BRCC3: variants seen among roughly 807,000 people sequenced by gnomAD.
The protein encoded by BRCC3 is lys-63-specific deubiquitinase BRCC36.
BRCC3 carries 15 observed loss-of-function variants against 28.0 expected under a neutral mutation model. The observed-to-expected ratio is 0.54, with a 90% CI of 0.36 to 0.82. BRCC3 has a LOEUF of 0.82. Ranked by LOEUF, BRCC3 falls within the 40% of genes least tolerant of loss-of-function variation. The pLI is 0.01. For missense variants in BRCC3, 109 were observed against 225.9 expected, an observed-to-expected ratio of 0.48 and a Z score of 3.32; for synonymous variants, 66 against 80.3, an observed-to-expected ratio of 0.82 and a Z score of 0.95.
chrX:155,077,307 T>C lies in BRCC3; in HGVS notation c.315+18T>C, dbSNP rs1285993907. ...AGGCAGAGATATCCTTACTGGTCAA[T>C]AGAAGCTTTTATGTGCTCTGGGGTT... On this transcript the variant is annotated intron_variant, in intron 4 of 10. Transcript: ENST00000330045. 6 of 1,161,606 alleles carry C rather than the reference T, an allele frequency of 5.2e-6. No homozygotes were observed. Among genetic ancestry groups the C allele is most frequent in the Non-Finnish European group, 6.9e-6 (6 of 864,515 alleles).
At chrX:155,117,938 T>C (rs2074366989) in intron 9 of BRCC3, among the ~76,000 whole-genome samples, 1 of 111,501 alleles carries the variant, frequency 9.0e-6, no homozygotes, top group South Asian at 3.7e-4. Context: ...TGGGGGAAAA[T>C]AGATTCCTAC....
intron 5 of BRCC3, among the ~76,000 whole-genome samples, chrX:155,082,742 C>A (rs1420477321): frequency 1.8e-5 from 2 of 112,301 alleles, no homozygotes; most frequent in Admixed American, 1.9e-4. Context: ...TAAATACGAT[C>A]ATATTGTGCA....
chrX:155,076,160 C>T (rs980722844), intron 3 of BRCC3, among the ~76,000 whole-genome samples: 3 of 111,723 alleles, frequency 2.7e-5, no homozygotes, highest in African/African-American at 9.8e-5. Context: ...CCTGTAATCC[C>T]AGCACTTCGA....
rs1557298720 is a variant in BRCC3 at position 155,116,194 on chromosome X, GACCCTCTTC to G, written c.680+9_680+17del. ...GCGTATAGGAGGATCCACAGGTAGA[GACCCTCTTC>G]ACTCCTCTTCTCTACTTCTCAGGAC... On this transcript the variant is annotated splice_region_variant and intron_variant, in intron 8 of 10. Transcript: ENST00000330045. 1 of 1,176,598 alleles carries G rather than the reference GACCCTCTTC, an allele frequency of 8.5e-7. No homozygotes were observed. Among genetic ancestry groups the G allele is most frequent in the Admixed American group, 2.5e-5 (1 of 40,388 alleles).
At chrX:155,091,556 G>A (rs781824158) in intron 7 of BRCC3, among the ~76,000 whole-genome samples, 1 of 111,792 alleles carries the variant, frequency 8.9e-6, no homozygotes, top group African/African-American at 3.3e-5. Flanking sequence ...ACAGGTGTCA[G>A]CCACTGCACC....
intron 3 of BRCC3, among the ~76,000 whole-genome samples, chrX:155,075,197 G>A (rs1479867646): frequency 1.3e-5 from 1 of 75,362 alleles, no homozygotes; most frequent in African/African-American, 9.6e-5. Flanking sequence ...AATCAGACCT[G>A]TTGCACAGTG....
chrX:155,116,838 G>C lies in BRCC3; in HGVS notation c.724+84G>C, dbSNP rs2074359806. 4 of 680,784 alleles carry C rather than the reference G, an allele frequency of 5.9e-6. No individual in the cohort carries two copies. In the Admixed American group the frequency reaches 8.2e-5, roughly 14 times the overall value. 56.1% of individuals were successfully genotyped at this position (680,784 alleles called of 1,213,427 possible). A position where few individuals can be genotyped will look rare whatever the true frequency, so the allele number is the denominator to read the frequency against. On this transcript the variant is annotated intron_variant, in intron 9 of 10. Coordinates refer to ENST00000330045, the MANE Select transcript of BRCC3 (RefSeq NM_001018055.3). ...GCTGACAGATGCAAATTTAGTTTAA[G>C]TGAGTGAAGTGATGGGTACAAGTTG...
At chrX:155,087,104 G>A (rs2074136717) in intron 5 of BRCC3, among the ~76,000 whole-genome samples, 1 of 112,056 alleles carries the variant, frequency 8.9e-6, no homozygotes, top group East Asian at 2.8e-4. Context: ...GAGAATAAGT[G>A]TCCATAGGAT....
Position 155,122,542 on chromosome X carries a change from C to T in BRCC3, c.*1338C>T, listed in dbSNP as rs2074394033. ...CAGAGAAATGAAAACCTATATTGTA[C>T]TTGTACTCAAATATTCATAGGAGCT... On this transcript the variant is annotated 3_prime_UTR_variant, in exon 11 of 11. Transcript: ENST00000330045. 8.9e-6 allele frequency: 1 copy of T among 111,932 alleles called. No homozygotes were observed. Among genetic ancestry groups the T allele is most frequent in the Admixed American group, 9.4e-5 (1 of 10,644 alleles). 9.2% of individuals were successfully genotyped at this position (111,932 alleles called of 1,213,427 possible).
In BRCC3 at chrX:155,072,489, T is replaced by C; in HGVS notation, c.140+146T>C. The C allele has an allele frequency of 2.0e-5, 9 of 456,114 alleles. 1 individual carries two copies. The South Asian group carries it at 2.5e-4, about 12-fold the overall frequency. The allele number at this position is 456,114 out of a possible 1,213,427, so 37.6% of individuals were successfully genotyped here. A position where few individuals can be genotyped will look rare whatever the true frequency, so the allele number is the denominator to read the frequency against. On this transcript the variant is annotated intron_variant, in intron 2 of 10. Coordinates refer to ENST00000330045, the MANE Select transcript of BRCC3 (RefSeq NM_001018055.3). ...CGGGGCTCCCTTAATGATACAACCT[T>C]GAACTTTGGTTTCTGCCTTACCTCC...
At chrX:155,097,952 C>T (rs959575219) in intron 7 of BRCC3, among the ~76,000 whole-genome samples, 27 of 111,356 alleles carry the variant, frequency 2.4e-4, no homozygotes, top group Admixed American at 2.0e-3. Context: ...GCCGAGATGG[C>T]GCCAGAGTGA....
At chrX:155,109,289 ATTC>A (rs782125990) in intron 7 of BRCC3, among the ~76,000 whole-genome samples, 52 of 111,637 alleles carry the variant, frequency 4.7e-4, no homozygotes, top group Non-Finnish European at 9.1e-4. Flanking sequence ...TGTCTTGGCT[ATTC>A]TTCGCCCTTT....
At chrX:155,095,372 C>G (rs1382009737) in intron 7 of BRCC3, among the ~76,000 whole-genome samples, 9 of 111,356 alleles carry the variant, frequency 8.1e-5, no homozygotes, top group Non-Finnish European at 1.9e-5. Flanking sequence ...AGGATCTAGG[C>G]TCACTGCAAC....
intron 5 of BRCC3, among the ~76,000 whole-genome samples, chrX:155,083,293 G>A (rs5986906): frequency 0.01 from 1,138 of 112,176 alleles, 13 homozygotes; most frequent in African/African-American, 0.035. Flanking sequence ...TTTTTGCAAA[G>A]GCAAACCCTT....
At chrX:155,073,516 G>T in intron 3 of BRCC3, 85 bp downstream of exon 3, 2 of 998,430 alleles carry the variant, frequency 2.0e-6, no homozygotes, top group Non-Finnish European at 2.8e-6. Context: ...AGAGTATGCG[G>T]TTTCTGGCTG....
intron 7 of BRCC3, chrX:155,099,506 G>T: frequency 9.8e-7 from 1 of 1,019,499 alleles, no homozygotes; most frequent in Non-Finnish European, 1.3e-6. Context: ...CAGTCAAGTG[G>T]CCATACCTAA....
chrX:155,078,366 C>G (rs782258748), intron 4 of BRCC3, among the ~76,000 whole-genome samples: 2 of 111,841 alleles, frequency 1.8e-5, no homozygotes, highest in Non-Finnish European at 3.8e-5. Flanking sequence ...GGTAAGGATT[C>G]GAGTGATGAA....
At chrX:155,089,849 G>C (rs1414250657) in intron 6 of BRCC3, among the ~76,000 whole-genome samples, 4 of 111,978 alleles carry the variant, frequency 3.6e-5, no homozygotes. Context: ...GATCTCTCTG[G>C]CTTCTGTGTA....
chrX:155,077,182 A>G lies in BRCC3; in HGVS notation c.208A>G (p.Arg70Gly). The G allele has an allele frequency of 8.4e-7, 1 of 1,185,768 alleles. No homozygotes were observed. The highest frequency in any genetic ancestry group is 1.1e-6 in the Non-Finnish European group (1 of 878,709). Reference protein sequence around the residue: ...RTVAEKVDAVRIVHIHSVIIL... With the variant: ...RTVAEKVDAVGIVHIHSVIIL... ...GATTTTCCTTTAGGTTGATGCCGTC[A>G]GAATTGTTCACATTCATTCTGTCAT... Residue 70 changes from arginine (R) to glycine (G), a missense_variant, in exon 4 of 11, where the codon AGA becomes GGA. Physicochemically the swap from Arg to Gly is moderately radical, Grantham distance 125. Coordinates refer to ENST00000330045, the MANE Select transcript of BRCC3 (RefSeq NM_001018055.3).
Sources: gnomAD v4.1 joint callset for allele counts (sites outside exome capture counted in the v4.1 genomes callset) on GRCh38, gnomAD v4.1.1 for gene constraint, MANE v1.5 for transcripts, NCBI Gene and HGNC (gene_info 2026-07-23, HGNC 2026-07-21) for gene names.